Variants in EPM2A observed in about 807,000 individuals in gnomAD.
EPM2A encodes the protein laforin.
A neutral mutation model predicts 26.5 loss-of-function variants in EPM2A; 21 were observed. The observed-to-expected ratio is 0.79, with a 90% CI of 0.56 to 1.14. The LOEUF (loss-of-function observed/expected upper bound fraction) is 1.14. Ranked by LOEUF, EPM2A falls within the 50% of genes most tolerant of loss-of-function variation. The pLI is 0.00. For missense variants in EPM2A, 458 were observed against 440.8 expected, an observed-to-expected ratio of 1.04 and a Z score of -0.35; for synonymous variants, 217 against 177.6, an observed-to-expected ratio of 1.22 and a Z score of -1.76.
chr6:145,532,840 G>A (rs896437797), intron 2 of EPM2A, among the ~76,000 whole-genome samples: 5 of 151,998 alleles, frequency 3.3e-5, no homozygotes, highest in African/African-American at 1.2e-4. Context: ...AGGTTTCCTG[G>A]CTGCACTTCC....
chr6:145,673,559 G>A (rs115064988), intron 2 of EPM2A, among the ~76,000 whole-genome samples: 3,432 of 152,276 alleles, frequency 0.023, 48 homozygotes, highest in Admixed American at 0.031. Context: ...GGAAAAACAG[G>A]ACACTTTCAC....
At chr6:145,648,761 G>A (rs887457210) in intron 2 of EPM2A, among the ~76,000 whole-genome samples, 31 of 152,288 alleles carry the variant, frequency 2.0e-4, no homozygotes, top group African/African-American at 7.0e-4. Flanking sequence ...TTCAGAGCCT[G>A]GGAGAGAGAT....
intron 2 of EPM2A, among the ~76,000 whole-genome samples, chr6:145,541,797 T>C (rs1241773129): frequency 1.3e-5 from 2 of 152,198 alleles, no homozygotes; most frequent in Admixed American, 6.5e-5. Context: ...TGAAAAATTC[T>C]TGTGCACAGG....
intron 2 of EPM2A, among the ~76,000 whole-genome samples, chr6:145,526,361 T>C (rs1330848192): frequency 6.6e-6 from 1 of 152,116 alleles, no homozygotes; most frequent in East Asian, 1.9e-4. Flanking sequence ...GCAGAATTGA[T>C]ACCAGCTCTT....
intron 2 of EPM2A, among the ~76,000 whole-genome samples, chr6:145,611,746 T>A (rs1775396442): frequency 1.3e-5 from 2 of 152,274 alleles, no homozygotes; most frequent in East Asian, 3.9e-4. Flanking sequence ...ACTGCAGCTG[T>A]TTATATGTTC....
At chr6:145,692,331 G>A (rs1781330290) in intron 1 of EPM2A, among the ~76,000 whole-genome samples, 1 of 151,794 alleles carries the variant, frequency 6.6e-6, no homozygotes, top group Non-Finnish European at 1.5e-5. Context: ...AATCAGCAAG[G>A]ATATTAGAAA....
intron 2 of EPM2A, among the ~76,000 whole-genome samples, chr6:145,648,846 A>T (rs1035506475): frequency 2.6e-5 from 4 of 152,352 alleles, no homozygotes; most frequent in African/African-American, 7.2e-5. Flanking sequence ...AGTGAAAAAA[A>T]ATTCTACCTT....
intron 2 of EPM2A, among the ~76,000 whole-genome samples, chr6:145,574,948 T>A (rs1183469662): frequency 6.6e-6 from 1 of 152,214 alleles, no homozygotes; most frequent in Non-Finnish European, 1.5e-5. Context: ...ACTCAAACAG[T>A]TCTTTTCAAG....
chr6:145,395,985 T>A (rs1200693970), intron 4 of EPM2A, among the ~76,000 whole-genome samples: 1 of 152,160 alleles, frequency 6.6e-6, no homozygotes, highest in Non-Finnish European at 1.5e-5. Context: ...GGGTAATATT[T>A]ATACACACAG....
chr6:145,632,339 T>C (rs1406282391), intron 3 of EPM2A: 1 of 152,176 alleles, frequency 6.6e-6, no homozygotes, highest in Non-Finnish European at 1.5e-5. Flanking sequence ...TGTGAACTCA[T>C]TTGGGAGGCA....
intron 4 of EPM2A, among the ~76,000 whole-genome samples, chr6:145,496,572 G>A (rs1295727756): frequency 1.3e-5 from 2 of 152,056 alleles, no homozygotes; most frequent in East Asian, 3.9e-4. Context: ...ATTTCAGAAA[G>A]ACAGTCTTCA....
intron 4 of EPM2A, among the ~76,000 whole-genome samples, chr6:145,418,537 G>C (rs1562327213): frequency 6.6e-6 from 1 of 152,192 alleles, no homozygotes; most frequent in Non-Finnish European, 1.5e-5. Context: ...ATTGGAATGA[G>C]ACTTCTCTCA....
chr6:145,618,490 C>G (rs73568375), intron 2 of EPM2A, among the ~76,000 whole-genome samples: 2 of 152,052 alleles, frequency 1.3e-5, no homozygotes, highest in South Asian at 2.1e-4. Context: ...TGGGAGAAAC[C>G]CAGTGGGAGG....
intron 4 of EPM2A, among the ~76,000 whole-genome samples, chr6:145,390,729 A>G (rs1327975153): frequency 1.3e-5 from 2 of 152,080 alleles, no homozygotes; most frequent in Non-Finnish European, 2.9e-5. Context: ...AGATGTACAT[A>G]TGCATTTTTA....
intron 2 of EPM2A, among the ~76,000 whole-genome samples, chr6:145,525,465 A>G (rs1780258720): frequency 6.6e-6 from 1 of 151,830 alleles, no homozygotes; most frequent in South Asian, 2.1e-4. Flanking sequence ...TGCTTGTGCC[A>G]TCTTTGATTT....
chr6:145,699,501 G>C (rs1781798106), intron 1 of EPM2A, among the ~76,000 whole-genome samples: 1 of 152,198 alleles, frequency 6.6e-6, no homozygotes, highest in Non-Finnish European at 1.5e-5. Context: ...GTATGGGCTA[G>C]AATTACTGAG....
intron 2 of EPM2A, among the ~76,000 whole-genome samples, chr6:145,558,033 G>T (rs1315593517): frequency 6.6e-6 from 1 of 151,960 alleles, no homozygotes; most frequent in Admixed American, 6.6e-5. Flanking sequence ...TTTGTTTTCT[G>T]TGCCTGGCTT....
intron 4 of EPM2A, among the ~76,000 whole-genome samples, chr6:145,387,140 A>G (rs539570163): frequency 2.0e-5 from 3 of 152,280 alleles, no homozygotes; most frequent in South Asian, 4.1e-4. Flanking sequence ...GTGATTGGGA[A>G]CTATGAGAAA....
At chr6:145,501,167 G>A (rs1434317783), downstream of EPM2A, among the ~76,000 whole-genome samples, 1 of 152,152 alleles carries the variant, frequency 6.6e-6, no homozygotes, top group Admixed American at 6.5e-5. Flanking sequence ...AGAGTTTAGT[G>A]CTATGAAGAT....
Sources: allele counts gnomAD v4.1 joint callset (sites outside exome capture counted in the v4.1 genomes callset), GRCh38; gene constraint gnomAD v4.1.1; transcripts MANE v1.5; gene names NCBI Gene and HGNC (gene_info 2026-07-23, HGNC 2026-07-21).